Variants in PTPRN2 observed in about 807,000 individuals in gnomAD.
The protein encoded by PTPRN2 is receptor-type tyrosine-protein phosphatase N2.
In PTPRN2, 74 loss-of-function variants were observed where a neutral mutation model predicts 118.8. That is an observed-to-expected ratio of 0.62 (90% CI 0.52 to 0.76). The LOEUF is 0.76. PTPRN2 is among the 30% of genes least tolerant of loss of function. The pLI is 0.00. For synonymous variants in PTPRN2, 641 were observed against 608.0 expected (o/e 1.05, Z -0.80); for missense variants, 1,481 against 1,394.4 (o/e 1.06, Z -0.99).
chr7:157,963,667 G>A (rs1801695805), intron 11 of PTPRN2, among the ~76,000 whole-genome samples: 1 of 152,224 alleles, frequency 6.6e-6, no homozygotes, highest in Admixed American at 6.5e-5. Flanking sequence ...TCTGCAGGGG[G>A]GAGATCTGTG....
At chr7:158,204,235 C>T (rs1019971727) in intron 4 of PTPRN2, among the ~76,000 whole-genome samples, 5 of 147,522 alleles carry the variant, frequency 3.4e-5, no homozygotes, top group Non-Finnish European at 6.0e-5. Context: ...TCGGTGTGCG[C>T]CGCTTGCTGG....
intron 11 of PTPRN2, among the ~76,000 whole-genome samples, chr7:157,943,301 C>T (rs948373705): frequency 2.6e-5 from 4 of 152,156 alleles, no homozygotes; most frequent in African/African-American, 9.7e-5. Context: ...CTCTGCGGAC[C>T]CCCAGAGGGT....
chr7:157,707,398 G>A (rs1335503672), intron 12 of PTPRN2, among the ~76,000 whole-genome samples: 13 of 152,034 alleles, frequency 8.6e-5, no homozygotes, highest in African/African-American at 3.1e-4. Context: ...CCCCACACAC[G>A]TGGAGATAGA....
intron 11 of PTPRN2, among the ~76,000 whole-genome samples, chr7:157,999,949 G>T (rs2128857603): frequency 6.6e-6 from 1 of 152,058 alleles, no homozygotes; most frequent in African/African-American, 2.4e-5. Flanking sequence ...TGCAATGGCA[G>T]GATCTCAGCT....
intron 11 of PTPRN2, among the ~76,000 whole-genome samples, chr7:157,997,430 C>T (rs1804838963): frequency 6.6e-6 from 1 of 152,244 alleles, no homozygotes; most frequent in South Asian, 2.1e-4. Context: ...CCATAAATCC[C>T]CCTGGCTGGC....
intron 12 of PTPRN2, among the ~76,000 whole-genome samples, chr7:157,706,632 G>A (rs529778526): frequency 6.6e-6 from 1 of 151,874 alleles, no homozygotes; most frequent in African/African-American, 2.4e-5. Context: ...AGATCAACGT[G>A]ACCACATCCT....
At chr7:158,083,781 AGGTGCCTGCGGTCAC>A (rs1414675580) in intron 10 of PTPRN2, among the ~76,000 whole-genome samples, 3 of 152,062 alleles carry the variant, frequency 2.0e-5, no homozygotes, top group African/African-American at 7.2e-5. Context: ...AGCGAGACCC[AGGTGCCTGCGGTCAC>A]GGTGCACTGA....
chr7:158,015,439 T>G lies in PTPRN2; in HGVS notation c.1723+65859A>C, dbSNP rs1806373630. On this transcript the variant is annotated intron_variant, in intron 11 of 22. Coordinates refer to ENST00000389418, the MANE Select transcript of PTPRN2 (RefSeq NM_002847.5). This position sits in a 1 kb window ranked among gnomAD's most constrained non-coding sequence, Gnocchi z 4.2. The stretch of plus-strand genomic sequence containing the variant: ...GAGATGGGGAGAGAGAGGGAAAAAG[T>G]GAGAGGAGGGGTGGTGAGAGAGAGA... Among the ~76,000 whole-genome samples, 3 of 135,936 alleles carry G rather than the reference T, an allele frequency of 2.2e-5. No homozygotes were observed. The highest frequency in any genetic ancestry group is 2.1e-4 in the East Asian group (1 of 4,656). The allele number at this position is 135,936 out of a possible 152,430, so 89.2% of individuals were successfully genotyped here.
chr7:158,524,885 C>A (rs1382314281), intron 1 of PTPRN2, among the ~76,000 whole-genome samples: 1 of 152,166 alleles, frequency 6.6e-6, no homozygotes, highest in Non-Finnish European at 1.5e-5. Flanking sequence ...TTGGAAAGAT[C>A]CATGAATAAA....
intron 12 of PTPRN2, among the ~76,000 whole-genome samples, chr7:157,725,466 GA>G (rs1179050363): frequency 3.2e-4 from 29 of 90,910 alleles, no homozygotes; most frequent in African/African-American, 1.6e-3. Context: ...GCAGAGGAGT[GA>G]GCCAGACCCT....
At chr7:158,186,259 T>G (rs1825121982) in intron 5 of PTPRN2, among the ~76,000 whole-genome samples, 1 of 152,206 alleles carries the variant, frequency 6.6e-6, no homozygotes, top group Admixed American at 6.5e-5. Context: ...CATCCATCCC[T>G]TTCTGGAATG....
chr7:157,709,059 G>A (rs543899015), intron 12 of PTPRN2, among the ~76,000 whole-genome samples: 14 of 152,334 alleles, frequency 9.2e-5, no homozygotes, highest in Admixed American at 1.3e-4. Context: ...GCAGAGGAGC[G>A]AGCCGAGAGA....
At position 158,003,985 on chromosome 7, in the gene PTPRN2, G is replaced by A. The variant is rs1160734199; in HGVS notation, c.1723+77313C>T. 1.3e-5 allele frequency among the ~76,000 whole-genome samples: 2 copies of A among 152,100 alleles called. No individual in the cohort carries two copies. The highest frequency in any genetic ancestry group is 2.9e-5 in the Non-Finnish European group (2 of 68,030). ...AAACGTGTCAGCACCTTGGGAGCCT[G>A]GCCAGTGTTTCATTTCACTGAGTTC... On this transcript the variant is annotated intron_variant, in intron 11 of 22. Coordinates refer to ENST00000389418, the MANE Select transcript of PTPRN2 (RefSeq NM_002847.5). The surrounding 1 kb of genome is among the most constrained non-coding windows in gnomAD (Gnocchi z 5.0).
intron 11 of PTPRN2, among the ~76,000 whole-genome samples, chr7:157,916,776 G>A (rs537807900): frequency 2.0e-5 from 3 of 149,960 alleles, no homozygotes; most frequent in East Asian, 2.0e-4. Context: ...TCCGGGACAC[G>A]TCCAACACAC....
At chr7:158,353,711 C>T (rs992216135) in intron 2 of PTPRN2, among the ~76,000 whole-genome samples, 1 of 152,162 alleles carries the variant, frequency 6.6e-6, no homozygotes, top group African/African-American at 2.4e-5. Context: ...GAACCAGACC[C>T]CCACATCTGC....
intron 10 of PTPRN2, among the ~76,000 whole-genome samples, chr7:158,096,830 C>T (rs1296856711): frequency 6.6e-6 from 1 of 152,244 alleles, no homozygotes; most frequent in South Asian, 2.1e-4. Flanking sequence ...GTGGTGGATA[C>T]ACCACATCCA....
chr7:158,262,620 C>CAT (rs374386372), intron 3 of PTPRN2, among the ~76,000 whole-genome samples: 108 of 148,270 alleles, frequency 7.3e-4, no homozygotes, highest in African/African-American at 2.6e-3. Context: ...TGCACACACA[C>CAT]ATACATTCAC....
At chr7:158,229,717 G>T (rs997627521) in intron 3 of PTPRN2, among the ~76,000 whole-genome samples, 1 of 151,838 alleles carries the variant, frequency 6.6e-6, no homozygotes, top group Non-Finnish European at 1.5e-5. Flanking sequence ...AAAGAATGAA[G>T]AGGGATGAAG....
chr7:158,248,545 A>G (rs4909144), intron 3 of PTPRN2, among the ~76,000 whole-genome samples: 120,513 of 151,996 alleles, frequency 0.79, 48,053 homozygotes, highest in African/African-American at 0.86. Context: ...CCATGCACAC[A>G]TATCACATAT....
Sources: allele counts gnomAD v4.1 joint callset (sites outside exome capture counted in the v4.1 genomes callset), GRCh38; gene constraint gnomAD v4.1.1; non-coding constraint Gnocchi (gnomAD v3.1); transcripts MANE v1.5; gene names NCBI Gene and HGNC (gene_info 2026-07-23, HGNC 2026-07-21).